Variants in TAFA5 observed in about 807,000 individuals in gnomAD.
TAFA5 encodes chemokine-like protein TAFA-5.
TAFA5 carries 6 observed loss-of-function variants against 15.3 expected under a neutral mutation model. The ratio of observed to expected loss-of-function variants is 0.39; its 90% confidence interval spans 0.21 to 0.77. TAFA5 has a LOEUF of 0.77. Ranked by LOEUF, TAFA5 falls within the 30% of genes least tolerant of loss-of-function variation. The pLI, the probability that TAFA5 is intolerant of heterozygous loss-of-function variation, is 0.41. For missense variants in TAFA5, 161 were observed against 193.1 expected, an observed-to-expected ratio of 0.83 and a Z score of 0.98; for synonymous variants, 103 against 80.7, an observed-to-expected ratio of 1.28 and a Z score of -1.48.
intron 1 of TAFA5, among the ~76,000 whole-genome samples, chr22:48,571,060 G>C (rs904659095): frequency 2.0e-5 from 3 of 152,132 alleles, no homozygotes; most frequent in East Asian, 1.9e-4. Flanking sequence ...TTTTCTATAA[G>C]GGATGGGACT....
intron 2 of TAFA5, among the ~76,000 whole-genome samples, chr22:48,675,020 C>A (rs1315382164): frequency 2.0e-5 from 3 of 151,744 alleles, no homozygotes; most frequent in South Asian, 4.2e-4. Flanking sequence ...CGGCTCACTG[C>A]ACCCTCCGCC....
At chr22:48,575,941 A>C (rs1413244475) in intron 1 of TAFA5, among the ~76,000 whole-genome samples, 1 of 130,758 alleles carries the variant, frequency 7.6e-6, no homozygotes, top group Non-Finnish European at 1.6e-5. Flanking sequence ...GCGGCGGAGG[A>C]GGCGGCGGCG....
At chr22:48,689,122 G>A (rs985351849) in intron 2 of TAFA5, among the ~76,000 whole-genome samples, 2 of 152,134 alleles carry the variant, frequency 1.3e-5, no homozygotes, top group Non-Finnish European at 2.9e-5. Flanking sequence ...CTGCCTCCCA[G>A]GAGGACCCCG....
intron 1 of TAFA5, among the ~76,000 whole-genome samples, chr22:48,571,357 C>A (rs538166097): frequency 3.4e-5 from 5 of 149,178 alleles, no homozygotes; most frequent in African/African-American, 1.2e-4. Flanking sequence ...TCACTGCAAC[C>A]TCTGCCTCCT....
chr22:48,586,405 G>A (rs1001956193), intron 1 of TAFA5, among the ~76,000 whole-genome samples: 1 of 152,244 alleles, frequency 6.6e-6, no homozygotes, highest in Non-Finnish European at 1.5e-5. Flanking sequence ...CATGATACCA[G>A]GCTAGTGGCT....
At chr22:48,696,047 C>T (rs1928700970) in intron 2 of TAFA5, among the ~76,000 whole-genome samples, 1 of 152,176 alleles carries the variant, frequency 6.6e-6, no homozygotes, top group Admixed American at 6.5e-5. Context: ...ACCCCACCTG[C>T]CCCGGACCCC....
intron 1 of TAFA5, among the ~76,000 whole-genome samples, chr22:48,618,183 A>C (rs559782299): frequency 6.6e-6 from 1 of 152,046 alleles, no homozygotes; most frequent in Non-Finnish European, 1.5e-5. Context: ...ATACCTGGAT[A>C]CTGGAGGGTG....
chr22:48,643,575 C>T (rs1255438053), intron 1 of TAFA5, among the ~76,000 whole-genome samples: 1 of 152,210 alleles, frequency 6.6e-6, no homozygotes, highest in African/African-American at 2.4e-5. Flanking sequence ...TGCCCAGGGG[C>T]TGGCCATGCC....
chr22:48,578,086 CT>C (rs1477919983), intron 1 of TAFA5, among the ~76,000 whole-genome samples: 1 of 152,222 alleles, frequency 6.6e-6, no homozygotes, highest in African/African-American at 2.4e-5. Context: ...TCTGCTGGGC[CT>C]GTTTGTGTTC....
At chr22:48,606,625 A>G (rs1236873365) in intron 1 of TAFA5, among the ~76,000 whole-genome samples, 1 of 152,210 alleles carries the variant, frequency 6.6e-6, no homozygotes, top group African/African-American at 2.4e-5. Context: ...GTTTACTTTC[A>G]TATGCAAAAG....
In TAFA5 at chr22:48,576,544, G is replaced by T. The variant is rs1269691861; in HGVS notation, c.113-70053G>T. The T allele has an allele frequency of 6.6e-6, 10 of 1,517,988 alleles. No homozygotes were observed. The African/African-American group carries it at 1.0e-4, about 15-fold the overall frequency. The allele number at this position is 1,517,988 out of a possible 1,614,324, so 94.0% of individuals were successfully genotyped here. A position where few individuals can be genotyped will look rare whatever the true frequency, so the allele number is the denominator to read the frequency against. Reference sequence around the variant, plus strand: ...CGCGCTCTGCTGCTTCCTCGTCCTAGTGATCCACGCGCAGTTCCTCAAAGA... The same window carrying T: ...CGCGCTCTGCTGCTTCCTCGTCCTATTGATCCACGCGCAGTTCCTCAAAGA... On this transcript the variant is annotated intron_variant, in intron 1 of 3. Transcript: ENST00000402357.
chr22:48,741,821 C>G (rs1174789468), intron 3 of TAFA5, among the ~76,000 whole-genome samples: 1 of 152,304 alleles, frequency 6.6e-6, no homozygotes, highest in Non-Finnish European at 1.5e-5. Flanking sequence ...GTCTGGGGTA[C>G]CTGGTTACAG....
At chr22:48,533,984 C>G (rs1056660671) in intron 1 of TAFA5, among the ~76,000 whole-genome samples, 24 of 152,154 alleles carry the variant, frequency 1.6e-4, no homozygotes, top group Non-Finnish European at 1.0e-4. Context: ...GCAAGGACCC[C>G]TTAGCATCTG....
intron 2 of TAFA5, among the ~76,000 whole-genome samples, chr22:48,707,231 G>A (rs577980101): frequency 2.0e-5 from 3 of 152,256 alleles, no homozygotes; most frequent in Admixed American, 6.5e-5. Context: ...ATGGGAAATC[G>A]ACTCCCCATC....
chr22:48,678,998 C>CA (rs1928076041), intron 2 of TAFA5, among the ~76,000 whole-genome samples: 1 of 25,048 alleles, frequency 4.0e-5, no homozygotes. Flanking sequence ...CCCGGCTCCC[C>CA]GTCCATCCCT....
intron 3 of TAFA5, among the ~76,000 whole-genome samples, chr22:48,734,981 C>T (rs962155461): frequency 6.6e-6 from 1 of 152,148 alleles, no homozygotes; most frequent in Admixed American, 6.5e-5. Flanking sequence ...CTGCATGTGG[C>T]GTGAGGAAGA....
chr22:48,508,332 C>G (rs919502085), intron 1 of TAFA5, among the ~76,000 whole-genome samples: 1 of 152,198 alleles, frequency 6.6e-6, no homozygotes, highest in African/African-American at 2.4e-5. Flanking sequence ...CCAGGGCTGC[C>G]GCCCCCCCAG....
chr22:48,580,349 A>G (rs1465942029), intron 1 of TAFA5, among the ~76,000 whole-genome samples: 5 of 152,242 alleles, frequency 3.3e-5, no homozygotes, highest in African/African-American at 1.2e-4. Flanking sequence ...TTAGCAGCCA[A>G]TGCAGAGTGT....
intron 2 of TAFA5, among the ~76,000 whole-genome samples, chr22:48,666,512 C>A (rs199505941): frequency 1.8e-5 from 1 of 54,360 alleles, no homozygotes; most frequent in Non-Finnish European, 3.8e-5. Context: ...CATGACCAGG[C>A]GTTACTGAGG....
Sources: gnomAD v4.1 joint callset for allele counts (sites outside exome capture counted in the v4.1 genomes callset) on GRCh38, gnomAD v4.1.1 for gene constraint, MANE v1.5 for transcripts, NCBI Gene and HGNC (gene_info 2026-07-23, HGNC 2026-07-21) for gene names.